Variants in IRAK1BP1 observed in about 807,000 individuals in gnomAD.
IRAK1BP1 encodes the protein interleukin-1 receptor-associated kinase 1-binding protein 1.
A neutral mutation model predicts 28.0 loss-of-function variants in IRAK1BP1; 24 were observed. The observed-to-expected ratio is 0.86, with a 90% CI of 0.62 to 1.20. The LOEUF is 1.20. IRAK1BP1 is among the 50% of genes most tolerant of loss of function. The probability of loss-of-function intolerance (pLI) is 0.00; values close to 1 mark genes in which losing one functional copy is unlikely to be tolerated. For missense variants in IRAK1BP1, 336 were observed against 316.7 expected, an observed-to-expected ratio of 1.06 and a Z score of -0.46; for synonymous variants, 131 against 116.3, an observed-to-expected ratio of 1.13 and a Z score of -0.81.
chr6:78,958,393 C>G, the IRAK1BP1 span: 15 of 899,866 alleles, frequency 1.7e-5, no homozygotes, highest in Non-Finnish European at 2.3e-5. Flanking sequence ...TCTTTACAAA[C>G]AGTATGTTTT....
At chr6:78,869,699 A>C (rs1003135639) in intron 1 of IRAK1BP1, among the ~76,000 whole-genome samples, 1 of 152,190 alleles carries the variant, frequency 6.6e-6, no homozygotes, top group African/African-American at 2.4e-5. Flanking sequence ...AGAATGAATT[A>C]TGGGTCTTCA....
chr6:78,893,143 C>CT (rs1771725290), intron 2 of IRAK1BP1, among the ~76,000 whole-genome samples: 2 of 150,860 alleles, frequency 1.3e-5, no homozygotes, highest in Non-Finnish European at 3.0e-5. Flanking sequence ...AGTGATAAAT[C>CT]TTAAAACAGC....
At chr6:78,903,660 A>G (rs552373084), downstream of IRAK1BP1, among the ~76,000 whole-genome samples, 37 of 141,844 alleles carry the variant, frequency 2.6e-4, no homozygotes, top group Non-Finnish European at 5.0e-4. Flanking sequence ...TCCCTGAATT[A>G]AAAAAAAAAA....
chr6:78,923,801 T>C (rs2127667017), intron 4 of IRAK1BP1, among the ~76,000 whole-genome samples: 1 of 152,134 alleles, frequency 6.6e-6, no homozygotes, highest in South Asian at 2.1e-4. Context: ...AACTGAACAA[T>C]CTGCTCCTGA....
the IRAK1BP1 span, chr6:78,958,687 C>T: frequency 1.2e-6 from 1 of 807,090 alleles, no homozygotes; most frequent in Non-Finnish European, 2.1e-6. Flanking sequence ...TCCAACTTTT[C>T]AACTTCAGTC....
intron 4 of IRAK1BP1, among the ~76,000 whole-genome samples, chr6:78,923,971 A>G (rs569944457): frequency 6.6e-6 from 1 of 152,230 alleles, no homozygotes; most frequent in East Asian, 1.9e-4. Flanking sequence ...AAGCAGGAAA[A>G]ATCTAAAATT....
the IRAK1BP1 span, chr6:78,978,651 T>C: frequency 2.5e-6 from 4 of 1,598,464 alleles, no homozygotes; most frequent in African/African-American, 1.3e-5. Flanking sequence ...GTAATCCATG[T>C]TGATGGCAAC....
chr6:78,931,015 C>G (rs1773032347), intron 4 of IRAK1BP1, among the ~76,000 whole-genome samples: 1 of 152,042 alleles, frequency 6.6e-6, no homozygotes, highest in Non-Finnish European at 1.5e-5. Flanking sequence ...ATGCAACATC[C>G]TATCTTAATC....
intron 4 of IRAK1BP1, among the ~76,000 whole-genome samples, chr6:78,918,638 A>C (rs1273567315): frequency 4.6e-5 from 7 of 151,408 alleles, no homozygotes; most frequent in African/African-American, 1.5e-4. Flanking sequence ...TAGGGAGATC[A>C]ATTCAACAAG....
chr6:78,867,937 G>C (rs1222163680), intron 1 of IRAK1BP1, 46 bp downstream of exon 1: 4 of 1,490,740 alleles, frequency 2.7e-6, no homozygotes, highest in Non-Finnish European at 3.6e-6. Context: ...AGACACAAAA[G>C]GGTTGGCAGA....
chr6:78,909,462 T>C (rs182810783), intron 4 of IRAK1BP1, among the ~76,000 whole-genome samples: 126 of 152,318 alleles, frequency 8.3e-4, no homozygotes, highest in African/African-American at 2.8e-3. Flanking sequence ...TACTTCAACG[T>C]TCCCCTGAAT....
chr6:78,954,676 C>T, the IRAK1BP1 span: 1 of 574,912 alleles, frequency 1.7e-6, no homozygotes, highest in Non-Finnish European at 2.9e-6. Context: ...CTCTATGTAG[C>T]CAAATGGATA....
At chr6:78,942,039 C>T (rs1423003048) in intron 4 of IRAK1BP1, among the ~76,000 whole-genome samples, 1 of 152,136 alleles carries the variant, frequency 6.6e-6, no homozygotes, top group Non-Finnish European at 1.5e-5. Flanking sequence ...TCTTTCCCTC[C>T]AAATTTCTGA....
intron 4 of IRAK1BP1, among the ~76,000 whole-genome samples, chr6:78,929,831 G>C (rs1414553923): frequency 6.6e-6 from 1 of 152,088 alleles, no homozygotes; most frequent in African/African-American, 2.4e-5. Flanking sequence ...TCTTATATTG[G>C]TCCACTGAAC....
chr6:78,932,226 T>A (rs1317854404), intron 4 of IRAK1BP1, among the ~76,000 whole-genome samples: 1 of 152,066 alleles, frequency 6.6e-6, no homozygotes, highest in East Asian at 1.9e-4. Flanking sequence ...CTCAGAATCA[T>A]CCATGAGGGT....
At chr6:78,927,528 CT>C (rs1772922455) in intron 4 of IRAK1BP1, among the ~76,000 whole-genome samples, 1 of 152,058 alleles carries the variant, frequency 6.6e-6, no homozygotes, top group Non-Finnish European at 1.5e-5. Context: ...TGTGCAGTAG[CT>C]TTTTAACTTG....
At chr6:78,897,335 G>A (rs951653473) in intron 2 of IRAK1BP1, among the ~76,000 whole-genome samples, 4 of 150,370 alleles carry the variant, frequency 2.7e-5, no homozygotes, top group Non-Finnish European at 4.4e-5. Flanking sequence ...AAGTATTGCC[G>A]AATATAAGGA....
At chr6:78,955,180 A>T in the IRAK1BP1 span, 2 of 1,239,126 alleles carry the variant, frequency 1.6e-6, no homozygotes, top group South Asian at 1.3e-5. Context: ...GAAAGCTCTT[A>T]ATACATTTTA....
intron 1 of IRAK1BP1, among the ~76,000 whole-genome samples, chr6:78,878,786 C>T (rs1012581766): frequency 3.9e-5 from 6 of 152,118 alleles, no homozygotes; most frequent in Admixed American, 6.5e-5. Context: ...CTAGAATAAA[C>T]GGCGTAGAGA....
Sources: gnomAD v4.1 joint callset for allele counts (sites outside exome capture counted in the v4.1 genomes callset) on GRCh38, gnomAD v4.1.1 for gene constraint, MANE v1.5 for transcripts, NCBI Gene and HGNC (gene_info 2026-07-23, HGNC 2026-07-21) for gene names.